PARP9: variants seen among roughly 807,000 people sequenced by gnomAD.
PARP9 encodes the protein protein mono-ADP-ribosyltransferase PARP9.
Under a neutral mutation model 68.8 loss-of-function variants are expected in PARP9, and 48 were observed. That is an observed-to-expected ratio of 0.70 (90% CI 0.55 to 0.89). PARP9 has a LOEUF of 0.89. PARP9 is among the 40% of genes least tolerant of loss of function. The pLI, the probability that PARP9 is intolerant of heterozygous loss-of-function variation, is 0.00. For synonymous variants in PARP9, 309 were observed against 333.8 expected, an observed-to-expected ratio of 0.93 and a Z score of 0.81; for missense variants, 806 against 969.3, an observed-to-expected ratio of 0.83 and a Z score of 2.24.
intron 1 of PARP9, among the ~76,000 whole-genome samples, chr3:122,560,208 G>C (rs1218374189): frequency 6.6e-6 from 1 of 151,920 alleles, no homozygotes; most frequent in East Asian, 1.9e-4. Flanking sequence ...TAATGATAGG[G>C]GTATATCTGG....
intron 8 of PARP9, among the ~76,000 whole-genome samples, chr3:122,537,898 G>T (rs2077773575): frequency 6.6e-6 from 1 of 151,374 alleles, no homozygotes; most frequent in African/African-American, 2.4e-5. Flanking sequence ...GTCCAAGGGA[G>T]CTCCTTACTG....
intron 7 of PARP9, among the ~76,000 whole-genome samples, chr3:122,542,588 T>G (rs1371335426): frequency 6.6e-6 from 1 of 151,692 alleles, no homozygotes; most frequent in African/African-American, 2.4e-5. Flanking sequence ...CAGACGATTC[T>G]CCTGCTGCAG....
intron 8 of PARP9, among the ~76,000 whole-genome samples, chr3:122,539,507 A>ATTCCTTTCTTTCTTTCTTTCTTTCCTTC (rs1553714534): frequency 7.5e-6 from 1 of 133,162 alleles, no homozygotes; most frequent in East Asian, 2.2e-4. Flanking sequence ...CCAAGATGGC[A>ATTCCTTTCTTTCTTTCTTTCTTTCCTTC]TTTCTTTCTT....
intron 7 of PARP9, among the ~76,000 whole-genome samples, chr3:122,543,231 T>A (rs1280915044): frequency 6.7e-6 from 1 of 149,122 alleles, no homozygotes; most frequent in Non-Finnish European, 1.5e-5. Context: ...TTTCTAATGA[T>A]AACGTACCAC....
chr3:122,550,912 T>C, intron 5 of PARP9, 110 bp from the exon 6 acceptor site: 1 of 949,266 alleles, frequency 1.1e-6, no homozygotes, highest in Non-Finnish European at 1.6e-6. Flanking sequence ...TCCCTCAGGG[T>C]TCGTGTCCCT....
rs572931191 is a variant in PARP9, at chr3:122,540,951, T to C, written c.1385-99A>G. 14 of 1,317,276 alleles carry C rather than the reference T, an allele frequency of 1.1e-5. No individual in the cohort carries two copies. In the African/African-American group the frequency reaches 1.6e-4, roughly 15 times the overall value. 81.6% of individuals were successfully genotyped at this position (1,317,276 alleles called of 1,614,324 possible). A position where few individuals can be genotyped will look rare whatever the true frequency, so the allele number is the denominator to read the frequency against. On this transcript the variant is annotated intron_variant, in intron 7 of 10. Transcript: ENST00000682323. ...TGTCTCACAAGCTGGAGTGCAGTGCTGCGATCTCAGCTCACTGCAAGCTCC... is the reference window on the plus strand; with the variant it reads ...TGTCTCACAAGCTGGAGTGCAGTGCCGCGATCTCAGCTCACTGCAAGCTCC...
chr3:122,556,133 G>C lies in PARP9; in HGVS notation c.50-12C>G. The stretch of plus-strand genomic sequence containing the variant: ...AAGAGCACCAGTCTCTGGAAAAGAA[G>C]AGAAGATTAAAAAAAAAAAAAAAAA... On this transcript the variant is annotated splice_polypyrimidine_tract_variant and intron_variant, in intron 3 of 10. Transcript: ENST00000682323. 5 of 169,062 alleles carry C rather than the reference G, an allele frequency of 3.0e-5. No individual in the cohort carries two copies. The highest frequency in any genetic ancestry group is 5.3e-5 in the Non-Finnish European group (5 of 94,352). The allele number at this position is 169,062 out of a possible 1,614,324, so 10.5% of individuals were successfully genotyped here. A position where few individuals can be genotyped will look rare whatever the true frequency, so the allele number is the denominator to read the frequency against.
chr3:122,558,326 C>T, intron 3 of PARP9, 108 bp downstream of exon 3: 5 of 1,613,886 alleles, frequency 3.1e-6, no homozygotes, highest in South Asian at 1.1e-5. Flanking sequence ...TGCAGTCACG[C>T]ACCTGAGCAC....
chr3:122,552,529 T>G lies in PARP9; in HGVS notation c.996A>C (p.Thr332=), dbSNP rs765433925. Residue 332 remains threonine (T), a synonymous_variant, in exon 5 of 11, where the codon ACA becomes ACC. Coordinates refer to ENST00000682323, the MANE Select transcript of PARP9 (RefSeq NM_001146105.2). ...GGGACCGTTGAAACTGTTTAGCCTT[T>G]GTGGCAAGAAATTCCGATTTCATTT... The part of the protein sequence containing the change: ...GVEMKSEFLA[T]KAKQFQRSQL... 1 of 1,614,162 alleles carries G rather than the reference T, an allele frequency of 6.2e-7. No homozygotes were observed. Among genetic ancestry groups the G allele is most frequent in the South Asian group, 1.1e-5 (1 of 91,082 alleles).
chr3:122,547,661 T>A (rs1222540483), intron 6 of PARP9, among the ~76,000 whole-genome samples: 2 of 151,882 alleles, frequency 1.3e-5, no homozygotes, highest in African/African-American at 4.8e-5. Context: ...GAGATTGGCC[T>A]GGGCAACATA....
At chr3:122,559,749 G>T in intron 1 of PARP9, 40 bp from the exon 2 acceptor site, 1 of 832,390 alleles carries the variant, frequency 1.2e-6, no homozygotes, top group Non-Finnish European at 1.8e-6. Flanking sequence ...ACATTAGCCA[G>T]AATCTTAGGA....
Position 122,528,250 on chromosome 3 carries a change from TCCATACAGATAAC to T in PARP9, c.*101_*113del. 7.5e-7 allele frequency: 1 copy of T among 1,336,952 alleles called. No individual in the cohort carries two copies. The highest frequency in any genetic ancestry group is 1.0e-6 in the Non-Finnish European group (1 of 969,104). 82.8% of individuals were successfully genotyped at this position (1,336,952 alleles called of 1,614,324 possible). A position where few individuals can be genotyped will look rare whatever the true frequency, so the allele number is the denominator to read the frequency against. ...CTAGTCCTTTCAATAACCCAGTCAG[TCCATACAGATAAC>T]CCATGGGATATATTCAAGCCACTCT... On this transcript the variant is annotated 3_prime_UTR_variant, in exon 11 of 11. Transcript: ENST00000682323.
chr3:122,530,116 G>A (rs544647414), intron 10 of PARP9, among the ~76,000 whole-genome samples: 27 of 146,908 alleles, frequency 1.8e-4, no homozygotes, highest in Admixed American at 3.4e-4. Flanking sequence ...GGTTGAGGTT[G>A]CAGTGAGCTG....
chr3:122,541,850 A>G (rs1181865850), intron 7 of PARP9, among the ~76,000 whole-genome samples: 2 of 152,190 alleles, frequency 1.3e-5, no homozygotes, highest in Admixed American at 6.5e-5. Context: ...GCTCCCACAT[A>G]TGCCTCCCAG....
chr3:122,550,529 C>CTGAGTGAA, intron 6 of PARP9, 55 bp downstream of exon 6: 1 of 1,330,870 alleles, frequency 7.5e-7, no homozygotes, highest in Non-Finnish European at 1.1e-6. Context: ...ACAGATGTTG[C>CTGAGTGAA]TGAATGAATG....
chr3:122,557,301 G>A (rs2079778806), intron 3 of PARP9, among the ~76,000 whole-genome samples: 1 of 132,052 alleles, frequency 7.6e-6, no homozygotes, highest in South Asian at 2.8e-4. Context: ...GAGGAGTAGG[G>A]GAGACATTGG....
chr3:122,555,963 T>C lies in PARP9; in HGVS notation c.208A>G (p.Lys70Glu), dbSNP rs2079599912. 1 of 1,613,860 alleles carries C rather than the reference T, an allele frequency of 6.2e-7. No individual in the cohort carries two copies. Among genetic ancestry groups the C allele is most frequent in the Non-Finnish European group, 8.5e-7 (1 of 1,179,994 alleles). The change falls in exon 4 of 11, where the codon AAA becomes GAA. Residue 70 changes from lysine to glutamate, a missense_variant. Coordinates refer to ENST00000682323, the MANE Select transcript of PARP9 (RefSeq NM_001146105.2). ...LVSPVQEGNSKSLQVFRKMLT... is the reference protein window; with the variant it reads ...LVSPVQEGNSESLQVFRKMLT... The stretch of plus-strand genomic sequence containing the variant: ...ATTTTTCTGAACACTTGCAGAGATT[T>C]GCTGTTGCCTTCCTGAACTGGAGAG...
chr3:122,540,024 G>A (rs1050653985), intron 8 of PARP9, among the ~76,000 whole-genome samples: 1 of 152,202 alleles, frequency 6.6e-6, no homozygotes, highest in Non-Finnish European at 1.5e-5. Context: ...AACTTCATTG[G>A]CGAGAGGGCT....
At position 122,550,633 on chromosome 3, in the gene PARP9, T is replaced by C; in HGVS notation, c.1277A>G (p.Gln426Arg). 6.2e-7 allele frequency: 1 copy of C among 1,613,832 alleles called. No individual in the cohort carries two copies. ...AAAGATCACAAATTTTACAGTTAAC[T>C]GGTGTTTTACATGGTCTTTGGCAAA... ...LTFAKDHVKH[Q>R]LTVKFVIFPT... is the part of the protein sequence containing the mutation. The change falls in exon 6 of 11, where the codon CAG becomes CGG. Residue 426 changes from glutamine (Q) to arginine (R), a missense_variant. This residue lies in a region of PARP9 where 680 missense variants were observed against 858.8 expected (regional missense o/e 0.79). Transcript: ENST00000682323.
Sources: allele counts gnomAD v4.1 joint callset (sites outside exome capture counted in the v4.1 genomes callset), GRCh38; gene constraint gnomAD v4.1.1; regional missense constraint gnomAD v4.1.1; transcripts MANE v1.5; gene names NCBI Gene and HGNC (gene_info 2026-07-23, HGNC 2026-07-21).